The following CACNA1C variants were observed in gnomAD, a reference collection of about 807,000 sequenced individuals.
CACNA1C encodes voltage-dependent L-type calcium channel subunit alpha-1C.
In CACNA1C, 30 loss-of-function variants were observed where a neutral mutation model predicts 229.0. The observed-to-expected ratio is 0.13, with a 90% confidence interval of 0.10 to 0.18. The LOEUF is 0.18. Ranked by LOEUF, CACNA1C falls within the 10% of genes least tolerant of loss-of-function variation. The probability of loss-of-function intolerance (pLI) is 1.00; values close to 1 mark genes in which losing one functional copy is unlikely to be tolerated. For missense variants in CACNA1C, 1,658 were observed against 2,845.0 expected (o/e 0.58, Z 9.49); for synonymous variants, 1,114 against 1,132.5 (o/e 0.98, Z 0.33).
chr12:2,632,015 C>T lies in CACNA1C; in HGVS notation c.3829-2282C>T, dbSNP rs1019310016. Among the ~76,000 whole-genome samples the T allele has an allele frequency of 6.6e-6, 1 of 151,412 alleles. No individual in the cohort carries two copies. ...GTAAAAAATGAAGAGGAAAAGTTGG[C>T]AGCCTTCAAGTGAGCTGGGGAGAGA... On this transcript the variant is annotated intron_variant, in intron 29 of 46. Coordinates refer to ENST00000399655, the MANE Select transcript of CACNA1C (RefSeq NM_000719.7). The surrounding 1 kb of genome is among the most constrained non-coding windows in gnomAD (Gnocchi z 4.1).
At chr12:2,564,676 G>A (rs1032602162) in intron 11 of CACNA1C, among the ~76,000 whole-genome samples, 1 of 152,132 alleles carries the variant, frequency 6.6e-6, no homozygotes, top group African/African-American at 2.4e-5. Context: ...AATGTTGGCA[G>A]TCCCTTCCAT....
At chr12:2,232,303 G>A (rs933058098) in intron 3 of CACNA1C, among the ~76,000 whole-genome samples, 6 of 147,010 alleles carry the variant, frequency 4.1e-5, no homozygotes, top group Non-Finnish European at 8.9e-5. Flanking sequence ...GAAGAATCCG[G>A]GTCAGTTATC....
rs563078874 is a variant in CACNA1C at position 2,272,340 on chromosome 12, A to C, written c.477+151910A>C. 1.5e-4 allele frequency among the ~76,000 whole-genome samples: 23 copies of C among 152,118 alleles called. No individual in the cohort carries two copies. The East Asian group carries it at 4.4e-3, about 29-fold the overall frequency. On this transcript the variant is annotated intron_variant, in intron 3 of 46. Transcript: ENST00000399655. ...CTATCCATTCTTCGATTCCAGCTCCAGTTCTGCCCTGAAGGCTTGTCCATG... is the reference window on the plus strand; with the variant it reads ...CTATCCATTCTTCGATTCCAGCTCCCGTTCTGCCCTGAAGGCTTGTCCATG...
chr12:2,642,977 T>G (rs1415560046), intron 30 of CACNA1C, among the ~76,000 whole-genome samples: 1 of 152,200 alleles, frequency 6.6e-6, no homozygotes, highest in African/African-American at 2.4e-5. Context: ...GCCAGCAAAC[T>G]GGTCACTGCA....
chr12:2,364,240 G>A (rs185184923), intron 3 of CACNA1C, among the ~76,000 whole-genome samples: 1 of 152,254 alleles, frequency 6.6e-6, no homozygotes, highest in Non-Finnish European at 1.5e-5. Flanking sequence ...ATGCCTATAA[G>A]GACAAAGGAA....
chr12:2,255,078 G>A (rs1015678739), intron 3 of CACNA1C, among the ~76,000 whole-genome samples: 1 of 152,170 alleles, frequency 6.6e-6, no homozygotes, highest in African/African-American at 2.4e-5. Context: ...CCACGGCTGT[G>A]GATGCGTAGA....
At chr12:2,063,174 G>T (rs1178099077) in intron 1 of CACNA1C, among the ~76,000 whole-genome samples, 4 of 146,470 alleles carry the variant, frequency 2.7e-5, no homozygotes, top group African/African-American at 7.5e-5. Context: ...TTTTCCTGAG[G>T]TGTAGTCTCG....
In CACNA1C at chr12:2,112,554, G is replaced by C. The variant is rs188666590; in HGVS notation, c.50-2670G>C. On this transcript the variant is annotated intron_variant, in intron 1 of 46. Transcript: ENST00000399655. ...CACATTGAGAATGTGGCTATGAACT[G>C]GGTGTGGCAGAGAGGCAATTTTCCA... Among the ~76,000 whole-genome samples, 10 of 152,180 alleles carry C rather than the reference G, an allele frequency of 6.6e-5. No homozygotes were observed. In the East Asian group the frequency reaches 1.9e-3, roughly 29 times the overall value.
At chr12:2,610,467 C>T in intron 27 of CACNA1C, 74 bp from the exon 28 acceptor site, 1 of 1,489,226 alleles carries the variant, frequency 6.7e-7, no homozygotes, top group Non-Finnish European at 9.2e-7. Context: ...TCACATCCCA[C>T]ACTTCTCTGC....
At chr12:2,686,406 G>A in intron 45 of CACNA1C, 137 bp downstream of exon 45, 4 of 777,564 alleles carry the variant, frequency 5.1e-6, no homozygotes, top group Admixed American at 3.7e-5. Flanking sequence ...TGCCCTAAGA[G>A]CCATCCCTGT....
rs984837902 is a variant in CACNA1C at position 2,152,386 on chromosome 12, C to T, written c.477+31956C>T. On this transcript the variant is annotated intron_variant, in intron 3 of 46. Transcript: ENST00000399655. The surrounding 1 kb of genome is among the most constrained non-coding windows in gnomAD (Gnocchi z 4.2). The stretch of plus-strand genomic sequence containing the variant: ...CAGCAGAGGTGATGCGTGTGACTTC[C>T]GGTGTGTGCCCTTGAAGGCAAAGTC... Among the ~76,000 whole-genome samples the T allele has an allele frequency of 7.2e-5, 11 of 152,208 alleles. No homozygotes were observed. The highest frequency in any genetic ancestry group is 2.0e-4 in the Admixed American group (3 of 15,284).
At chr12:2,336,721 A>G (rs1567119567) in intron 3 of CACNA1C, among the ~76,000 whole-genome samples, 2 of 151,978 alleles carry the variant, frequency 1.3e-5, no homozygotes, top group Non-Finnish European at 2.9e-5. Flanking sequence ...AATGAGGCCA[A>G]CCCCCTGGCT....
intron 5 of CACNA1C, among the ~76,000 whole-genome samples, chr12:2,469,099 T>C (rs2099576343): frequency 6.6e-6 from 1 of 152,214 alleles, no homozygotes; most frequent in African/African-American, 2.4e-5. Flanking sequence ...CAGTAGACTA[T>C]GTGGTGTATG....
intron 9 of CACNA1C, among the ~76,000 whole-genome samples, chr12:2,523,067 T>G (rs1034144071): frequency 6.7e-6 from 1 of 150,042 alleles, no homozygotes; most frequent in African/African-American, 2.5e-5. Context: ...TTTCCTTGGT[T>G]GTTGCATTTA....
chr12:2,498,359 G>A (rs2099751552), intron 7 of CACNA1C, among the ~76,000 whole-genome samples: 2 of 152,170 alleles, frequency 1.3e-5, no homozygotes, highest in South Asian at 4.1e-4. Flanking sequence ...TGCACCTGTT[G>A]CCTAAAATGG....
At chr12:2,456,058 T>C (rs2099416179) in intron 4 of CACNA1C, among the ~76,000 whole-genome samples, 2 of 152,220 alleles carry the variant, frequency 1.3e-5, no homozygotes, top group Admixed American at 1.3e-4. Flanking sequence ...ATGCATTCGA[T>C]GTCCAAGCAA....
At chr12:2,372,904 G>A (rs1399311512) in intron 3 of CACNA1C, among the ~76,000 whole-genome samples, 1 of 152,264 alleles carries the variant, frequency 6.6e-6, no homozygotes, top group Non-Finnish European at 1.5e-5. Context: ...AATGGTAGCA[G>A]ATGGATGCGG....
At chr12:2,201,748 C>T (rs865831580) in intron 3 of CACNA1C, among the ~76,000 whole-genome samples, 2 of 152,320 alleles carry the variant, frequency 1.3e-5, no homozygotes, top group East Asian at 3.9e-4. Flanking sequence ...AACAGGAAAG[C>T]GTGTCTTCCT....
At chr12:2,216,783 T>C (rs1245472225) in intron 3 of CACNA1C, among the ~76,000 whole-genome samples, 1 of 152,104 alleles carries the variant, frequency 6.6e-6, no homozygotes, top group Admixed American at 6.6e-5. Flanking sequence ...AACCACTGGT[T>C]TAGAGGTGTT....
Sources: gnomAD v4.1 joint callset for allele counts (sites outside exome capture counted in the v4.1 genomes callset) on GRCh38, gnomAD v4.1.1 for gene constraint, Gnocchi (gnomAD v3.1) non-coding constraint, MANE v1.5 for transcripts, NCBI Gene and HGNC (gene_info 2026-07-23, HGNC 2026-07-21) for gene names.